Variants in GALNT3 observed in about 807,000 individuals in gnomAD.
GALNT3 encodes the protein polypeptide N-acetylgalactosaminyltransferase 3, also known as GalNAc transferase 3.
In GALNT3, 51 loss-of-function variants were observed where a neutral mutation model predicts 69.8. The ratio of observed to expected loss-of-function variants is 0.73; its 90% CI spans 0.58 to 0.92. The LOEUF is 0.92. Ranked by LOEUF, GALNT3 falls within the 40% of genes least tolerant of loss-of-function variation. The pLI, the probability that GALNT3 is intolerant of heterozygous loss-of-function variation, is 0.00. For missense variants in GALNT3, 711 were observed against 760.0 expected (o/e 0.94, Z 0.76); for synonymous variants, 265 against 248.5 (o/e 1.07, Z -0.63).
chr2:165,781,122 A>C (rs996024251), intron 1 of GALNT3, among the ~76,000 whole-genome samples: 1 of 152,186 alleles, frequency 6.6e-6, no homozygotes, highest in Admixed American at 6.5e-5. Flanking sequence ...TGGCACAGAT[A>C]CCAAGAGAGT....
At chr2:165,788,273 C>T (rs565233257) in intron 1 of GALNT3, among the ~76,000 whole-genome samples, 135 of 145,732 alleles carry the variant, frequency 9.3e-4, no homozygotes, top group Middle Eastern at 7.1e-3. Context: ...GCCAAGATCA[C>T]GCCACTGCAC....
Position 165,770,321 on chromosome 2 carries a change from G to A in GALNT3, c.380C>T (p.Ala127Val). 6.2e-7 allele frequency: 1 copy of A among 1,614,146 alleles called. No homozygotes were observed. The highest frequency in any genetic ancestry group is 1.3e-5 in the African/African-American group (1 of 75,022). ...DSNAPGASGK[A>V]FKTTNLSVEE... Reference sequence around the variant, plus strand: ...AACACTTAAATTGGTTGTCTTGAATGCTTTACCAGAAGCACCAGGTGCATT... The same window carrying A: ...AACACTTAAATTGGTTGTCTTGAATACTTTACCAGAAGCACCAGGTGCATT... The change falls in exon 2 of 11, where the codon GCA (alanine) becomes GTA (valine). Residue 127 changes from alanine to valine, a missense_variant. Ala to Val is a moderately conservative substitution (Grantham distance 64, BLOSUM62 0). Coordinates refer to ENST00000392701, the MANE Select transcript of GALNT3 (RefSeq NM_004482.4).
In GALNT3 at chr2:165,748,678, A is replaced by T; in HGVS notation, c.*103T>A. 1 of 1,059,730 alleles carries T rather than the reference A, an allele frequency of 9.4e-7. No homozygotes were observed. The highest frequency in any genetic ancestry group is 1.4e-6 in the Non-Finnish European group (1 of 717,906). 65.6% of individuals were successfully genotyped at this position (1,059,730 alleles called of 1,614,324 possible). The stretch of plus-strand genomic sequence containing the variant: ...AAGAAAAATGCACTTGGAATAAGTT[A>T]CATTTAGCTGCTTTTGCATAATTTT... On this transcript the variant is annotated 3_prime_UTR_variant, in exon 11 of 11. Transcript: ENST00000392701.
intron 6 of GALNT3, 38 bp downstream of exon 6, chr2:165,758,705 ATTGT>A (rs1688490223): frequency 8.6e-7 from 1 of 1,167,996 alleles, no homozygotes. Context: ...AATATATTTC[ATTGT>A]TTAATATATC....
At chr2:165,748,971 A>G (rs1397869247) in intron 10 of GALNT3, 68 bp from the exon 11 acceptor site, 10 of 1,486,484 alleles carry the variant, frequency 6.7e-6, no homozygotes, top group Non-Finnish European at 9.3e-6. Flanking sequence ...TATGAAAAAG[A>G]TTTTATGGTT....
At chr2:165,794,402 G>A (rs1313877210), upstream of GALNT3, 1 of 152,648 alleles carries the variant, frequency 6.6e-6, no homozygotes, top group Non-Finnish European at 1.5e-5. Flanking sequence ...GCTGTCGCGC[G>A]GCTTCTCTCT....
chr2:165,749,805 C>A lies in GALNT3; in HGVS notation c.1716G>T (p.Lys572Asn). The A allele has an allele frequency of 6.2e-7, 1 of 1,613,684 alleles. No homozygotes were observed. Among genetic ancestry groups the A allele is most frequent in the Non-Finnish European group, 8.5e-7 (1 of 1,179,682 alleles). The change falls in exon 10 of 11, where the codon AAG becomes AAT. Residue 572 changes from lysine (K) to asparagine (N), a missense_variant. Physicochemically the swap from Lys to Asn is moderately conservative, Grantham distance 94. Coordinates refer to ENST00000392701, the MANE Select transcript of GALNT3 (RefSeq NM_004482.4). ...LHAAQGLVQLKACTYKGHKTV... is the reference protein window; with the variant it reads ...LHAAQGLVQLNACTYKGHKTV... ...TCTTGTGACCTTTGTAGGTACATGC[C>A]TTCAGCTGAACGAGACCTTGAGCAG...
At chr2:165,779,775 C>T (rs749058978) in intron 1 of GALNT3, among the ~76,000 whole-genome samples, 10 of 152,144 alleles carry the variant, frequency 6.6e-5, no homozygotes, top group Middle Eastern at 3.4e-3. Context: ...AGAAAAAATA[C>T]GCAAACCTAC....
intron 2 of GALNT3, among the ~76,000 whole-genome samples, chr2:165,768,850 A>C (rs1317245509): frequency 1.3e-5 from 2 of 148,430 alleles, no homozygotes; most frequent in East Asian, 4.0e-4. Flanking sequence ...GCTGGAGTGC[A>C]ACGGCACAGA....
chr2:165,754,606 G>C, intron 9 of GALNT3, 21 bp downstream of exon 9: 1 of 1,540,028 alleles, frequency 6.5e-7, no homozygotes, highest in South Asian at 1.1e-5. Context: ...ACAAGTGAAG[G>C]ATTTTTAATG....
At chr2:165,750,856 T>C (rs1011009188) in intron 9 of GALNT3, among the ~76,000 whole-genome samples, 5 of 152,164 alleles carry the variant, frequency 3.3e-5, no homozygotes, top group Admixed American at 3.3e-4. Flanking sequence ...TGCTTTACAG[T>C]CTGTCCTCTG....
At chr2:165,754,786 T>C in intron 8 of GALNT3, 58 bp from the exon 9 acceptor site, 1 of 1,380,988 alleles carries the variant, frequency 7.2e-7, no homozygotes, top group Non-Finnish European at 1.0e-6. Flanking sequence ...TTATATATTT[T>C]TAAAATAATT....
intron 4 of GALNT3, among the ~76,000 whole-genome samples, chr2:165,761,333 T>A (rs1484375023): frequency 2.6e-5 from 4 of 152,156 alleles, no homozygotes; most frequent in Admixed American, 2.6e-4. Context: ...TTCCTCAGTC[T>A]CCCTAGTAGC....
chr2:165,770,764 T>C lies in GALNT3; in HGVS notation c.-64A>G. 1 of 1,554,054 alleles carries C rather than the reference T, an allele frequency of 6.4e-7. No homozygotes were observed. Among genetic ancestry groups the C allele is most frequent in the East Asian group, 2.2e-5 (1 of 44,568 alleles). On this transcript the variant is annotated 5_prime_UTR_variant, in exon 2 of 11. Transcript: ENST00000392701. ...ATTTCTTCTTCTGTTACTTATATTT[T>C]TTATCATAGATTTGCTGAGAAGAAG...
chr2:165,749,726 A>C lies in GALNT3; in HGVS notation c.1779+16T>G, dbSNP rs771517567. ...AGAAAAATAGTTAAATAGATGAATT[A>C]ATTGCACTGAGGTACCTTCTGGATC... On this transcript the variant is annotated intron_variant, in intron 10 of 10. Coordinates refer to ENST00000392701, the MANE Select transcript of GALNT3 (RefSeq NM_004482.4). 8 of 1,610,490 alleles carry C rather than the reference A, an allele frequency of 5.0e-6. No individual in the cohort carries two copies. The South Asian group carries it at 8.8e-5, about 18-fold the overall frequency.
chr2:165,783,465 T>G (rs1377930889), intron 1 of GALNT3, among the ~76,000 whole-genome samples: 1 of 152,186 alleles, frequency 6.6e-6, no homozygotes, highest in African/African-American at 2.4e-5. Context: ...CATTTTGCAT[T>G]CACCTTTCTA....
chr2:165,762,482 G>T (rs953835410), intron 3 of GALNT3, among the ~76,000 whole-genome samples: 1 of 152,162 alleles, frequency 6.6e-6, no homozygotes, highest in Non-Finnish European at 1.5e-5. Context: ...AAAGAAAAAT[G>T]TCAAATATCT....
At chr2:165,765,497 A>ATT (rs5836051) in intron 2 of GALNT3, among the ~76,000 whole-genome samples, 1 of 148,176 alleles carries the variant, frequency 6.7e-6, no homozygotes, top group African/African-American at 2.5e-5. Context: ...CACTTTATTA[A>ATT]TTTTTTTTTT....
intron 1 of GALNT3, among the ~76,000 whole-genome samples, chr2:165,776,575 A>G (rs1407570882): frequency 6.6e-6 from 1 of 152,156 alleles, no homozygotes; most frequent in East Asian, 1.9e-4. Context: ...AAATTCAGAG[A>G]TCTTCTAAAT....
Sources: allele counts gnomAD v4.1 joint callset (sites outside exome capture counted in the v4.1 genomes callset), GRCh38; gene constraint gnomAD v4.1.1; transcripts MANE v1.5; gene names NCBI Gene and HGNC (gene_info 2026-07-23, HGNC 2026-07-21).